The following VCPKMT variants were observed in gnomAD, a reference collection of about 807,000 sequenced individuals.
VCPKMT encodes the protein protein N-lysine methyltransferase METTL21D.
Under a neutral mutation model 28.6 loss-of-function variants are expected in VCPKMT, and 32 were observed. The observed-to-expected ratio is 1.12, with a 90% CI of 0.84 to 1.50. The LOEUF is 1.50. Ranked by LOEUF, VCPKMT falls within the 40% of genes most tolerant of loss-of-function variation. The pLI, the probability that VCPKMT is intolerant of heterozygous loss-of-function variation, is 0.00. For missense variants in VCPKMT, 366 were observed against 285.0 expected (o/e 1.28, Z -2.05); for synonymous variants, 138 against 111.4 (o/e 1.24, Z -1.50).
the VCPKMT span, among the ~76,000 whole-genome samples, chr14:50,103,612 G>C: frequency 6.6e-6 from 1 of 152,092 alleles, no homozygotes; most frequent in Non-Finnish European, 1.5e-5. Context: ...GTCCCTATTG[G>C]CCTTCGAATG....
chr14:50,104,931 A>G (rs928867897), downstream of VCPKMT, among the ~76,000 whole-genome samples: 3 of 152,200 alleles, frequency 2.0e-5, no homozygotes, highest in African/African-American at 7.2e-5. Flanking sequence ...TTCAAAAGGC[A>G]TATCAGAAAG....
Position 50,116,518 on chromosome 14 carries a change from G to T in VCPKMT, c.35C>A (p.Pro12Gln), listed in dbSNP as rs149656377. Residue 12 changes from proline (P) to glutamine (Q), a missense_variant, in exon 1 of 6, where the codon CCA becomes CAA. Coordinates refer to ENST00000395860, the MANE Select transcript of VCPKMT (RefSeq NM_024558.3). Reference protein sequence around the residue: ...ADTLESSLEDPLRSFVRVLEK... With the variant: ...ADTLESSLEDQLRSFVRVLEK... ...CAAAACTCGCACAAAGCTCCGCAGT[G>T]GGTCCTCCAGCGAGGACTCCAGCGT... 6.8e-6 allele frequency: 11 copies of T among 1,613,228 alleles called. No individual in the cohort carries two copies. The highest frequency in any genetic ancestry group is 3.3e-5 in the Admixed American group (2 of 59,948).
chr14:50,111,793 G>T, intron 5 of VCPKMT: 2 of 669,026 alleles, frequency 3.0e-6, no homozygotes, highest in Non-Finnish European at 3.7e-6. Flanking sequence ...GGCTGAGGTG[G>T]GAGGATCACT....
In VCPKMT at chr14:50,109,428, T is replaced by C; in HGVS notation, c.*271A>G. 1 of 1,173,326 alleles carries C rather than the reference T, an allele frequency of 8.5e-7. No individual in the cohort carries two copies. Among genetic ancestry groups the C allele is most frequent in the East Asian group, 3.9e-5 (1 of 25,508 alleles). 72.7% of individuals were successfully genotyped at this position (1,173,326 alleles called of 1,614,324 possible). ...GCCTCGCCTCAATACCAATTTTTAT[T>C]TGAATAACTGATTCCCAACATTTAA... On this transcript the variant is annotated 3_prime_UTR_variant, in exon 6 of 6. Transcript: ENST00000395860.
chr14:50,108,199 A>G (rs1699720223), downstream of VCPKMT, among the ~76,000 whole-genome samples: 1 of 151,636 alleles, frequency 6.6e-6, no homozygotes, highest in Admixed American at 6.6e-5. Context: ...CTCAAAAAAA[A>G]AAAAAAAAAA....
intron 4 of VCPKMT, 45 bp from the exon 5 acceptor site, chr14:50,112,764 T>A: frequency 8.0e-7 from 1 of 1,245,364 alleles, no homozygotes. Flanking sequence ...TAATATGAAC[T>A]GACCTGTGGG....
Position 50,109,668 on chromosome 14 carries a change from G to C in VCPKMT, c.*31C>G. 1 of 1,593,846 alleles carries C rather than the reference G, an allele frequency of 6.3e-7. No individual in the cohort carries two copies. The highest frequency in any genetic ancestry group is 8.5e-7 in the Non-Finnish European group (1 of 1,171,628). On this transcript the variant is annotated 3_prime_UTR_variant, in exon 6 of 6. Transcript: ENST00000395860. Reference sequence around the variant, plus strand: ...TTCACATCTTTAGTTTACCCAGGTTGTTAGAGCCTTGGGTAAGATGATTAA... The same window carrying C: ...TTCACATCTTTAGTTTACCCAGGTTCTTAGAGCCTTGGGTAAGATGATTAA...
At chr14:50,115,226 C>T (rs1326808089) in intron 3 of VCPKMT, among the ~76,000 whole-genome samples, 3 of 146,322 alleles carry the variant, frequency 2.1e-5, no homozygotes, top group African/African-American at 7.8e-5. Context: ...GATTTCGGCT[C>T]ACTGCAACCT....
intron 4 of VCPKMT, among the ~76,000 whole-genome samples, chr14:50,113,008 G>A (rs373845073): frequency 5.3e-5 from 8 of 152,062 alleles, no homozygotes; most frequent in East Asian, 3.9e-4. Context: ...GGCTGGTCTC[G>A]AACTCCTGAC....
At chr14:50,110,345 A>G (rs1882554242) in intron 5 of VCPKMT, among the ~76,000 whole-genome samples, 1 of 152,236 alleles carries the variant, frequency 6.6e-6, no homozygotes, top group African/African-American at 2.4e-5. Flanking sequence ...ATTCACAAAT[A>G]ATGCATCTGT....
chr14:50,113,792 G>A (rs1210858552), intron 4 of VCPKMT, among the ~76,000 whole-genome samples: 3 of 80,592 alleles, frequency 3.7e-5, no homozygotes, highest in African/African-American at 1.4e-4. Context: ...CTTACTTGGG[G>A]GCGGGGGGGG....
At chr14:50,107,740 G>C (rs1337626968), downstream of VCPKMT, among the ~76,000 whole-genome samples, 1 of 152,228 alleles carries the variant, frequency 6.6e-6, no homozygotes, top group Non-Finnish European at 1.5e-5. Context: ...AGGAAGTCAA[G>C]CAAGAGTGTG....
chr14:50,112,287 T>C (rs1882721341), intron 5 of VCPKMT, among the ~76,000 whole-genome samples: 1 of 150,654 alleles, frequency 6.6e-6, no homozygotes, highest in Non-Finnish European at 1.5e-5. Flanking sequence ...GGCTGATGCC[T>C]GTAATCTCAG....
downstream of VCPKMT, chr14:50,106,506 T>A (rs1429188514): frequency 4.1e-6 from 4 of 974,882 alleles, no homozygotes; most frequent in African/African-American, 7.0e-5. Context: ...AGAAGTCTTC[T>A]AACCCTCAAT....
At chr14:50,104,573 T>C (rs1379112585), downstream of VCPKMT, among the ~76,000 whole-genome samples, 1 of 152,116 alleles carries the variant, frequency 6.6e-6, no homozygotes, top group Admixed American at 6.5e-5. Context: ...TTTCAAATCC[T>C]GATGTTTCCT....
At chr14:50,104,658 A>G (rs2139422209), downstream of VCPKMT, among the ~76,000 whole-genome samples, 1 of 151,964 alleles carries the variant, frequency 6.6e-6, no homozygotes, top group East Asian at 1.9e-4. Context: ...ACACAGCTTC[A>G]GCCTTCAGAA....
At position 50,116,476 on chromosome 14, in the gene VCPKMT, G is replaced by C. The variant is rs776604239; in HGVS notation, c.77C>G (p.Thr26Arg). 6.2e-6 allele frequency: 10 copies of C among 1,614,024 alleles called. No homozygotes were observed. The South Asian group carries it at 9.9e-5, about 16-fold the overall frequency. The part of the protein sequence containing the change: ...FVRVLEKRDG[T>R]VLRLQQYSSG... ...GCTATACTGCTGTAGTCGTAGCACTGTACCATCCCGCTTCTCCAAAACTCG... is the reference window on the plus strand; with the variant it reads ...GCTATACTGCTGTAGTCGTAGCACTCTACCATCCCGCTTCTCCAAAACTCG... Residue 26 changes from threonine (T) to arginine (R), a missense_variant, in exon 1 of 6, where the codon ACA becomes AGA. Coordinates refer to ENST00000395860, the MANE Select transcript of VCPKMT (RefSeq NM_024558.3).
At chr14:50,115,805 C>A in intron 3 of VCPKMT, 34 bp downstream of exon 3, 3 of 1,576,722 alleles carry the variant, frequency 1.9e-6, no homozygotes, top group Non-Finnish European at 2.6e-6. Flanking sequence ...GGTTCATCTT[C>A]TAAGTGAAGA....
Position 50,112,650 on chromosome 14 carries a change from C to A in VCPKMT, c.640G>T (p.Asp214Tyr). 6.4e-7 allele frequency: 1 copy of A among 1,570,036 alleles called. No individual in the cohort carries two copies. Among genetic ancestry groups the A allele is most frequent in the Middle Eastern group, 1.9e-4 (1 of 5,282 alleles). ...EKHDEEYRSE[D>Y]IHIIYIRKKK... ...TTTCTGATGTATATAATATGAATATCTTCACTTCGATACTCTTCATCATGT... is the reference window on the plus strand; with the variant it reads ...TTTCTGATGTATATAATATGAATATATTCACTTCGATACTCTTCATCATGT... Residue 214 changes from aspartate to tyrosine, a missense_variant, in exon 5 of 6, where the codon GAT (aspartate) becomes TAT (tyrosine). By Grantham distance (160) the Asp-to-Tyr change is radical. Transcript: ENST00000395860.
Sources: gnomAD v4.1 joint callset for allele counts (sites outside exome capture counted in the v4.1 genomes callset) on GRCh38, gnomAD v4.1.1 for gene constraint, MANE v1.5 for transcripts, NCBI Gene and HGNC (gene_info 2026-07-23, HGNC 2026-07-21) for gene names.